DPP10: variants seen among roughly 807,000 people sequenced by gnomAD.
The protein encoded by DPP10 is dipeptidyl peptidase like 10.
DPP10 carries 33 observed loss-of-function variants against 120.9 expected under a neutral mutation model. That is an observed-to-expected ratio of 0.27 (90% CI 0.21 to 0.37). The LOEUF is 0.37. DPP10 is among the 10% of genes least tolerant of loss of function. The probability of loss-of-function intolerance (pLI) is 1.00; values close to 1 mark genes in which losing one functional copy is unlikely to be tolerated. For synonymous variants in DPP10, 337 were observed against 326.1 expected, an observed-to-expected ratio of 1.03 and a Z score of -0.36; for missense variants, 816 against 942.8, an observed-to-expected ratio of 0.87 and a Z score of 1.76.
At chr2:114,819,341 G>A (rs1685898474) in intron 1 of DPP10, among the ~76,000 whole-genome samples, 1 of 151,984 alleles carries the variant, frequency 6.6e-6, no homozygotes, top group Non-Finnish European at 1.5e-5. Flanking sequence ...CCCCAAACAA[G>A]CCACTTACCC....
At chr2:115,398,161 TC>T (rs1418189227) in intron 3 of DPP10, among the ~76,000 whole-genome samples, 2 of 136,954 alleles carry the variant, frequency 1.5e-5, no homozygotes, top group Admixed American at 1.7e-4. Context: ...CTGGAGTTTT[TC>T]ATTGTATATG....
chr2:114,624,012 T>C (rs1694301272), intron 1 of DPP10, among the ~76,000 whole-genome samples: 1 of 152,038 alleles, frequency 6.6e-6, no homozygotes, highest in Non-Finnish European at 1.5e-5. Flanking sequence ...ATGAGTAAAT[T>C]AGTTTAATAT....
intron 19 of DPP10, among the ~76,000 whole-genome samples, chr2:115,813,210 T>TG (rs1263744755): frequency 6.8e-6 from 1 of 146,714 alleles, no homozygotes; most frequent in African/African-American, 2.7e-5. Flanking sequence ...CTCGATCTCC[T>TG]GACCTCATGA....
At chr2:115,594,648 C>A (rs543550706) in intron 5 of DPP10, among the ~76,000 whole-genome samples, 1 of 152,096 alleles carries the variant, frequency 6.6e-6, no homozygotes, top group Non-Finnish European at 1.5e-5. Flanking sequence ...TGCTTTCAAG[C>A]ATGCCTATCC....
intron 1 of DPP10, among the ~76,000 whole-genome samples, chr2:114,716,187 A>G (rs1202140692): frequency 6.6e-6 from 1 of 152,166 alleles, no homozygotes; most frequent in Non-Finnish European, 1.5e-5. Context: ...ATTTAAAAGG[A>G]AAAAATAAGA....
intron 1 of DPP10, among the ~76,000 whole-genome samples, chr2:114,767,679 G>A (rs183655539): frequency 5.9e-5 from 9 of 152,222 alleles, no homozygotes; most frequent in African/African-American, 2.4e-5. Flanking sequence ...TACTCACCCC[G>A]GTGAAATCAT....
At chr2:114,934,107 T>A (rs1417663516) in intron 1 of DPP10, among the ~76,000 whole-genome samples, 2 of 152,188 alleles carry the variant, frequency 1.3e-5, no homozygotes, top group Non-Finnish European at 2.9e-5. Context: ...CTACACTGGG[T>A]CTTCCTTGAG....
intron 1 of DPP10, among the ~76,000 whole-genome samples, chr2:114,619,168 T>A (rs1693894207): frequency 1.3e-5 from 2 of 152,030 alleles, no homozygotes; most frequent in Admixed American, 1.3e-4. Flanking sequence ...GTATGGATTA[T>A]GATGAGGAAA....
At chr2:115,240,387 C>T (rs187798386) in intron 1 of DPP10, among the ~76,000 whole-genome samples, 143 of 152,158 alleles carry the variant, frequency 9.4e-4, no homozygotes, top group Non-Finnish European at 6.2e-4. Flanking sequence ...GTTTGTTGAC[C>T]GCATAAATGT....
At chr2:114,499,663 T>G (rs1478747543) in intron 1 of DPP10, among the ~76,000 whole-genome samples, 4 of 152,142 alleles carry the variant, frequency 2.6e-5, no homozygotes, top group African/African-American at 9.7e-5. Context: ...TCTTAGTGTC[T>G]GGTAGTAATC....
At position 114,618,692 on chromosome 2, in the gene DPP10, C is replaced by T. The variant is rs1222016779; in HGVS notation, c.60+175854C>T. Reference sequence around the variant, plus strand: ...AAGTAACAAATCAGTAAGTTGGTAACATGTGAACTGAAGCCTTACATGGAA... The same window carrying T: ...AAGTAACAAATCAGTAAGTTGGTAATATGTGAACTGAAGCCTTACATGGAA... On this transcript the variant is annotated intron_variant, in intron 1 of 25. Transcript: ENST00000410059. 4.6e-5 allele frequency among the ~76,000 whole-genome samples: 7 copies of T among 151,936 alleles called. No homozygotes were observed. The South Asian group carries it at 6.2e-4, about 13-fold the overall frequency.
chr2:115,470,348 T>G (rs904766950), intron 3 of DPP10, among the ~76,000 whole-genome samples: 1 of 152,180 alleles, frequency 6.6e-6, no homozygotes, highest in African/African-American at 2.4e-5. Flanking sequence ...GTGGTGAACC[T>G]CATTTATCAT....
rs113388062 is a variant in DPP10 at position 114,937,513 on chromosome 2, A to G, written c.61-371726A>G. Among the ~76,000 whole-genome samples, 573 of 152,338 alleles carry G rather than the reference A, an allele frequency of 3.8e-3. 1 individual carries two copies. The highest frequency in any genetic ancestry group is 0.013 in the African/African-American group (538 of 41,582). ...CCAGTTCAATCCTCTGGAAGGCTGC[A>G]CAGATCCCACCTGTTTACCCTTAAG... On this transcript the variant is annotated intron_variant, in intron 1 of 25. Transcript: ENST00000410059.
intron 1 of DPP10, among the ~76,000 whole-genome samples, chr2:114,960,573 T>G (rs1018536819): frequency 6.6e-6 from 1 of 152,286 alleles, no homozygotes; most frequent in East Asian, 1.9e-4. Context: ...AATATAATTT[T>G]AAGTTTTTCG....
At chr2:115,491,931 C>A (rs1287089242) in intron 3 of DPP10, among the ~76,000 whole-genome samples, 1 of 152,086 alleles carries the variant, frequency 6.6e-6, no homozygotes, top group Non-Finnish European at 1.5e-5. Context: ...ACTAAACTGA[C>A]CCAGCAGGAT....
chr2:115,651,630 A>G (rs1018784135), intron 5 of DPP10, among the ~76,000 whole-genome samples: 1 of 152,072 alleles, frequency 6.6e-6, no homozygotes, highest in Non-Finnish European at 1.5e-5. Flanking sequence ...ATGGAGTAAT[A>G]TAATACTGTC....
chr2:114,655,038 C>A (rs561044357), intron 1 of DPP10, among the ~76,000 whole-genome samples: 1 of 152,104 alleles, frequency 6.6e-6, no homozygotes, highest in Non-Finnish European at 1.5e-5. Flanking sequence ...AGTTAATATT[C>A]CTGTAACTTC....
intron 19 of DPP10, among the ~76,000 whole-genome samples, chr2:115,805,835 A>C (rs1190104945): frequency 6.6e-6 from 1 of 152,078 alleles, no homozygotes. Flanking sequence ...TTGGCCTCCC[A>C]AAGTGCTGGG....
At chr2:115,589,545 A>G (rs1349922966) in intron 5 of DPP10, among the ~76,000 whole-genome samples, 1 of 152,026 alleles carries the variant, frequency 6.6e-6, no homozygotes, top group East Asian at 1.9e-4. Context: ...TAACTTATGA[A>G]CAATTTAAAT....
Sources: allele counts gnomAD v4.1 joint callset (sites outside exome capture counted in the v4.1 genomes callset), GRCh38; gene constraint gnomAD v4.1.1; transcripts MANE v1.5; gene names NCBI Gene and HGNC (gene_info 2026-07-23, HGNC 2026-07-21).